Variants in FOLH1 observed in about 807,000 individuals in gnomAD.
The protein encoded by FOLH1 is folate hydrolase 1.
A neutral mutation model predicts 93.9 loss-of-function variants in FOLH1; 54 were observed. The observed-to-expected ratio is 0.57, with a 90% CI of 0.46 to 0.72. The LOEUF (loss-of-function observed/expected upper bound fraction) is 0.72, where lower values mean the gene tolerates loss of function less well. Ranked by LOEUF, FOLH1 falls within the 30% of genes least tolerant of loss-of-function variation. The pLI, the probability that FOLH1 is intolerant of heterozygous loss-of-function variation, is 0.00. For missense variants in FOLH1, 571 were observed against 892.5 expected (o/e 0.64, Z 4.59); for synonymous variants, 249 against 303.6 (o/e 0.82, Z 1.87).
At position 49,200,422 on chromosome 11, in the gene FOLH1, G is replaced by T; in HGVS notation, c.244C>A (p.His82Asn). The stretch of plus-strand genomic sequence containing the variant: ...AAGTTTTGTTCTGTTCCTGCTAAAT[G>T]TGGTATCTGTGTAAAATTACTGGTG... The part of the protein sequence containing the change: ...KFLYNFTQIP[H>N]LAGTEQNFQL... The change falls in exon 3 of 19, where the codon CAT becomes AAT. Residue 82 changes from histidine to asparagine, a missense_variant. Physicochemically the swap from His to Asn is moderately conservative, Grantham distance 68 (BLOSUM62 1). This residue lies in a region of FOLH1 where 500 missense variants were observed against 822.9 expected (regional missense o/e 0.61). Transcript: ENST00000256999. The T allele has an allele frequency of 6.2e-7, 1 of 1,612,992 alleles. No homozygotes were observed. Among genetic ancestry groups the T allele is most frequent in the Non-Finnish European group, 8.5e-7 (1 of 1,179,568 alleles).
At chr11:49,175,050 AT>A in intron 8 of FOLH1, 73 bp from the exon 9 acceptor site, 1 of 1,364,448 alleles carries the variant, frequency 7.3e-7, no homozygotes, top group Non-Finnish European at 1.0e-6. Context: ...GTTTAAGGGA[AT>A]TTTCCCCTCT....
chr11:49,194,746 G>C (rs1862444435), intron 3 of FOLH1, among the ~76,000 whole-genome samples: 1 of 151,710 alleles, frequency 6.6e-6, no homozygotes, highest in Non-Finnish European at 1.5e-5. Flanking sequence ...CGCTGAAAAA[G>C]AAATACCAAA....
In FOLH1 at chr11:49,173,480, G is replaced by A; in HGVS notation, c.1106-4C>T. On this transcript the variant is annotated splice_polypyrimidine_tract_variant and splice_region_variant and intron_variant, in intron 9 of 18. Coordinates refer to ENST00000256999, the MANE Select transcript of FOLH1 (RefSeq NM_004476.3). The stretch of plus-strand genomic sequence containing the variant: ...CCTCCCAGAATGACATATCTGTCTA[G>A]AAAGCATAGATACAAGATTATTTGT... 3 of 1,469,088 alleles carry A rather than the reference G, an allele frequency of 2.0e-6. No homozygotes were observed. Among genetic ancestry groups the A allele is most frequent in the Non-Finnish European group, 2.7e-6 (3 of 1,091,924 alleles). The allele number at this position is 1,469,088 out of a possible 1,614,324, so 91.0% of individuals were successfully genotyped here.
chr11:49,149,371 G>A (rs1288295257), intron 17 of FOLH1, among the ~76,000 whole-genome samples: 2 of 152,258 alleles, frequency 1.3e-5, no homozygotes, highest in East Asian at 3.9e-4. Flanking sequence ...GTGAGGAAAT[G>A]TAGCTGTGTA....
intron 13 of FOLH1, among the ~76,000 whole-genome samples, chr11:49,158,632 A>C (rs1282196112): frequency 6.6e-6 from 1 of 152,180 alleles, no homozygotes; most frequent in Non-Finnish European, 1.5e-5. Context: ...ATGGATCCAT[A>C]TGAATTTTAA....
chr11:49,193,343 TA>T (rs900044805), intron 3 of FOLH1, among the ~76,000 whole-genome samples: 1 of 152,184 alleles, frequency 6.6e-6, no homozygotes, highest in Non-Finnish European at 1.5e-5. Context: ...AACACAAGCC[TA>T]AATATGTAGT....
intron 13 of FOLH1, among the ~76,000 whole-genome samples, chr11:49,158,338 T>A (rs1237010372): frequency 6.6e-6 from 1 of 152,160 alleles, no homozygotes; most frequent in Non-Finnish European, 1.5e-5. Flanking sequence ...GCATATGATC[T>A]TTTTGTCTAT....
At chr11:49,149,497 A>G (rs967261545) in intron 17 of FOLH1, among the ~76,000 whole-genome samples, 44 of 152,180 alleles carry the variant, frequency 2.9e-4, no homozygotes, top group African/African-American at 9.4e-4. Context: ...AGACAATGAG[A>G]TAGGCAATTA....
chr11:49,174,012 C>A (rs1288260727), intron 9 of FOLH1, among the ~76,000 whole-genome samples: 1 of 152,150 alleles, frequency 6.6e-6, no homozygotes, highest in African/African-American at 2.4e-5. Flanking sequence ...GCCTACCCAG[C>A]TCTCAGGAGT....
intron 11 of FOLH1, among the ~76,000 whole-genome samples, chr11:49,170,963 A>G (rs1181478609): frequency 6.6e-6 from 1 of 152,218 alleles, no homozygotes; most frequent in African/African-American, 2.4e-5. Flanking sequence ...AAGATAAATT[A>G]ATTTTGACAA....
At chr11:49,169,905 A>G (rs1029170175) in intron 11 of FOLH1, among the ~76,000 whole-genome samples, 2 of 152,100 alleles carry the variant, frequency 1.3e-5, no homozygotes, top group Non-Finnish European at 2.9e-5. Flanking sequence ...ATAAAAAATG[A>G]AAAAAATACA....
intron 7 of FOLH1, among the ~76,000 whole-genome samples, chr11:49,180,191 T>C (rs1245064330): frequency 6.6e-6 from 1 of 152,228 alleles, no homozygotes; most frequent in African/African-American, 2.4e-5. Context: ...ACTCATATTG[T>C]TGTTTTATAG....
rs1166284742 is a variant in FOLH1, at chr11:49,146,220, T to C, written c.*536A>G. 1.3e-5 allele frequency among the ~76,000 whole-genome samples: 2 copies of C among 152,232 alleles called. No individual in the cohort carries two copies. Among genetic ancestry groups the C allele is most frequent in the East Asian group, 3.8e-4 (2 of 5,200 alleles). ...ATTACTATACATATATTTTATACTA[T>C]AGCCTTTTATATAAATAAAAAATAA... On this transcript the variant is annotated 3_prime_UTR_variant, in exon 19 of 19. Coordinates refer to ENST00000256999, the MANE Select transcript of FOLH1 (RefSeq NM_004476.3).
intron 4 of FOLH1, among the ~76,000 whole-genome samples, chr11:49,189,414 G>A (rs1378993575): frequency 1.3e-5 from 2 of 152,084 alleles, no homozygotes; most frequent in African/African-American, 2.4e-5. Context: ...CTGATTCTAG[G>A]ATTAATTTGA....
At chr11:49,195,672 T>C (rs1170297789) in intron 3 of FOLH1, among the ~76,000 whole-genome samples, 1 of 143,824 alleles carries the variant, frequency 7.0e-6, no homozygotes, top group Admixed American at 6.8e-5. Context: ...TCAAGAGCAA[T>C]AAGAAAAAAA....
chr11:49,198,331 A>T (rs2135296604), intron 3 of FOLH1, among the ~76,000 whole-genome samples: 1 of 152,182 alleles, frequency 6.6e-6, no homozygotes, highest in East Asian at 1.9e-4. Context: ...AATACAAAAA[A>T]ATTAGCCGGG....
At chr11:49,162,852 G>T (rs530914197) in intron 13 of FOLH1, 1 of 151,652 alleles carries the variant, frequency 6.6e-6, no homozygotes, top group Non-Finnish European at 1.5e-5. Flanking sequence ...GTGCTGGGGG[G>T]TCGACTCCAA....
Position 49,154,385 on chromosome 11 carries a change from G to A in FOLH1, c.1731C>T (p.Ala577=), listed in dbSNP as rs781385635. The change falls in exon 16 of 19, where the codon GCC becomes GCT. Residue 577 remains alanine, a synonymous_variant. Coordinates refer to ENST00000256999, the MANE Select transcript of FOLH1 (RefSeq NM_004476.3). ...CAAACACCATCCCTCCTCGAACCTG[G>A]GCCACAGTGAGGTGATATTTAAACA... ...DPMFKYHLTV[A]QVRGGMVFEL... is the part of the protein sequence containing the mutation. 4.3e-6 allele frequency: 7 copies of A among 1,613,074 alleles called. No homozygotes were observed. In the South Asian group the frequency reaches 7.7e-5, roughly 18 times the overall value.
rs1403741038 is a variant in FOLH1, at chr11:49,146,125, A to G, written c.*631T>C. 2.6e-5 allele frequency among the ~76,000 whole-genome samples: 4 copies of G among 152,214 alleles called. No homozygotes were observed. The highest frequency in any genetic ancestry group is 1.3e-4 in the Admixed American group (2 of 15,280). Reference sequence around the variant, plus strand: ...GCAAAAGCATAACTGTCATTAGTACATGGGGCATCCAAAGATATTAGAAAT... The same window carrying G: ...GCAAAAGCATAACTGTCATTAGTACGTGGGGCATCCAAAGATATTAGAAAT... On this transcript the variant is annotated 3_prime_UTR_variant, in exon 19 of 19. Coordinates refer to ENST00000256999, the MANE Select transcript of FOLH1 (RefSeq NM_004476.3).
Sources: gnomAD v4.1 joint callset for allele counts (sites outside exome capture counted in the v4.1 genomes callset) on GRCh38, gnomAD v4.1.1 for gene constraint, gnomAD v4.1.1 regional missense constraint, MANE v1.5 for transcripts, NCBI Gene and HGNC (gene_info 2026-07-23, HGNC 2026-07-21) for gene names.